Variants in PRKG1 observed in about 807,000 individuals in gnomAD.
PRKG1 encodes the protein cGMP-dependent protein kinase 1.
In PRKG1, 35 loss-of-function variants were observed where a neutral mutation model predicts 88.1. That is an observed-to-expected ratio of 0.40 (90% confidence interval 0.30 to 0.53). The LOEUF (loss-of-function observed/expected upper bound fraction) is 0.53, where lower values mean the gene tolerates loss of function less well. Among genes scored for constraint, PRKG1 ranks in the 20% least tolerant of loss-of-function variants. The pLI is 0.59. For missense variants in PRKG1, 540 were observed against 839.8 expected (o/e 0.64, Z 4.41); for synonymous variants, 303 against 292.5 (o/e 1.04, Z -0.37).
chr10:51,358,804 T>C (rs1842419305), intron 2 of PRKG1, among the ~76,000 whole-genome samples: 1 of 151,944 alleles, frequency 6.6e-6, no homozygotes, highest in South Asian at 2.1e-4. Context: ...TGTGGGTCTT[T>C]AACTGTGTTA....
intron 10 of PRKG1, among the ~76,000 whole-genome samples, chr10:52,259,679 G>A (rs1007180051): frequency 2.0e-5 from 3 of 151,972 alleles, no homozygotes; most frequent in Non-Finnish European, 1.5e-5. Flanking sequence ...TGCCTTTCAC[G>A]TTCACACTGA....
chr10:51,926,096 AC>A (rs1268954280), intron 5 of PRKG1, among the ~76,000 whole-genome samples: 1 of 152,186 alleles, frequency 6.6e-6, no homozygotes, highest in African/African-American at 2.4e-5. Context: ...TGGTAGCATC[AC>A]AAAAATCAAT....
intron 2 of PRKG1, among the ~76,000 whole-genome samples, chr10:51,272,044 A>G (rs1276512678): frequency 6.6e-6 from 1 of 152,224 alleles, no homozygotes; most frequent in Non-Finnish European, 1.5e-5. Flanking sequence ...ACAGTGTAAA[A>G]GGGTTCCTAT....
chr10:51,145,824 A>G (rs901474614), intron 1 of PRKG1, among the ~76,000 whole-genome samples: 3 of 152,170 alleles, frequency 2.0e-5, no homozygotes, highest in Admixed American at 6.5e-5. Flanking sequence ...TGAGAGTATT[A>G]GTTAAAATGG....
chr10:51,366,946 A>C (rs1212730253), intron 2 of PRKG1, among the ~76,000 whole-genome samples: 1 of 151,858 alleles, frequency 6.6e-6, no homozygotes, highest in African/African-American at 2.4e-5. Flanking sequence ...GACTAAACCA[A>C]GTGTTGTAAT....
At chr10:51,414,644 C>T (rs1194608638) in intron 2 of PRKG1, among the ~76,000 whole-genome samples, 1 of 152,142 alleles carries the variant, frequency 6.6e-6, no homozygotes, top group Non-Finnish European at 1.5e-5. Flanking sequence ...CAGCTTTACA[C>T]CCCTGTAATG....
chr10:51,016,949 G>GAGCCACCGTGCCTGGCCTATT (rs1218331632), intron 1 of PRKG1, among the ~76,000 whole-genome samples: 1 of 151,424 alleles, frequency 6.6e-6, no homozygotes, highest in Non-Finnish European at 1.5e-5. Context: ...TTACATGTGT[G>GAGCCACCGTGCCTGGCCTATT]AGCCACCGTG....
At chr10:51,995,427 A>G (rs1029082911) in intron 5 of PRKG1, among the ~76,000 whole-genome samples, 3 of 152,226 alleles carry the variant, frequency 2.0e-5, no homozygotes, top group Admixed American at 1.3e-4. Flanking sequence ...CATTGTCTAA[A>G]ACTTTCTCAG....
intron 2 of PRKG1, among the ~76,000 whole-genome samples, chr10:51,232,404 G>A (rs907504786): frequency 6.6e-6 from 1 of 152,170 alleles, no homozygotes; most frequent in African/African-American, 2.4e-5. Flanking sequence ...TGTTTGCCAG[G>A]TATGGTATGC....
At chr10:51,346,934 A>G (rs577343069) in intron 2 of PRKG1, among the ~76,000 whole-genome samples, 2 of 152,224 alleles carry the variant, frequency 1.3e-5, no homozygotes, top group Admixed American at 1.3e-4. Flanking sequence ...TCAGTAACAA[A>G]TTTATTTTAC....
chr10:51,687,337 C>A (rs756119602), intron 3 of PRKG1, among the ~76,000 whole-genome samples: 12 of 152,110 alleles, frequency 7.9e-5, no homozygotes, highest in Non-Finnish European at 1.5e-4. Flanking sequence ...TTGAACTATT[C>A]TTGTTATACT....
intron 3 of PRKG1, among the ~76,000 whole-genome samples, chr10:51,786,473 C>T (rs548950630): frequency 1.7e-4 from 26 of 152,174 alleles, no homozygotes; most frequent in Admixed American, 3.3e-4. Context: ...TTGTGTAGCT[C>T]CTCCTCTTCC....
chr10:51,847,055 T>A (rs1478952503), intron 4 of PRKG1, among the ~76,000 whole-genome samples: 2 of 152,176 alleles, frequency 1.3e-5, no homozygotes, highest in Non-Finnish European at 2.9e-5. Flanking sequence ...AGCTTTATTC[T>A]AATAGCAGCT....
chr10:51,306,344 T>C (rs1177268422), intron 2 of PRKG1, among the ~76,000 whole-genome samples: 2 of 152,152 alleles, frequency 1.3e-5, no homozygotes, highest in African/African-American at 4.8e-5. Context: ...AGAGTGAGAT[T>C]TGGGCTTGAA....
At chr10:51,836,232 T>C (rs998413037) in intron 4 of PRKG1, among the ~76,000 whole-genome samples, 1 of 152,134 alleles carries the variant, frequency 6.6e-6, no homozygotes, top group Non-Finnish European at 1.5e-5. Context: ...CACACATCTA[T>C]GGTCAGTTGA....
chr10:51,452,311 A>T (rs1259471871), intron 2 of PRKG1, among the ~76,000 whole-genome samples: 2 of 151,918 alleles, frequency 1.3e-5, no homozygotes, highest in Non-Finnish European at 2.9e-5. Context: ...TGCTCTGGCT[A>T]GGACTTTGGG....
Position 51,595,410 on chromosome 10 carries a change from C to T in PRKG1, c.592+127574C>T, listed in dbSNP as rs185311278. Among the ~76,000 whole-genome samples, 34 of 152,196 alleles carry T rather than the reference C, an allele frequency of 2.2e-4. No individual in the cohort carries two copies. The East Asian group carries it at 6.6e-3, about 29-fold the overall frequency. On this transcript the variant is annotated intron_variant, in intron 3 of 17. Coordinates refer to ENST00000373980, the MANE Select transcript of PRKG1 (RefSeq NM_006258.4). Reference sequence around the variant, plus strand: ...TTGGGAGGTCAAGGCAGGCAGATCACTTGAGGTCAGGAGTTCAAGACCAGC... The same window carrying T: ...TTGGGAGGTCAAGGCAGGCAGATCATTTGAGGTCAGGAGTTCAAGACCAGC...
At chr10:51,285,023 C>G (rs1241225159) in intron 2 of PRKG1, among the ~76,000 whole-genome samples, 5 of 121,134 alleles carry the variant, frequency 4.1e-5, no homozygotes, top group Non-Finnish European at 8.6e-5. Context: ...TTAGGTATAT[C>G]TCCCAATGCT....
chr10:51,283,759 G>A (rs1840362662), intron 2 of PRKG1, among the ~76,000 whole-genome samples: 1 of 152,002 alleles, frequency 6.6e-6, no homozygotes, highest in African/African-American at 2.4e-5. Flanking sequence ...CTTTAAAATT[G>A]TGTTATAGCT....
Sources: gnomAD v4.1 joint callset for allele counts (sites outside exome capture counted in the v4.1 genomes callset) on GRCh38, gnomAD v4.1.1 for gene constraint, MANE v1.5 for transcripts, NCBI Gene and HGNC (gene_info 2026-07-23, HGNC 2026-07-21) for gene names.